Variants in SGK1 observed in about 807,000 individuals in gnomAD.
SGK1 encodes serine/threonine-protein kinase Sgk1.
SGK1 carries 26 observed loss-of-function variants against 64.2 expected under a neutral mutation model. That is an observed-to-expected ratio of 0.40 (90% CI 0.30 to 0.56). The LOEUF (loss-of-function observed/expected upper bound fraction) is 0.56, where lower values mean the gene tolerates loss of function less well. SGK1 is among the 20% of genes least tolerant of loss of function. The probability of loss-of-function intolerance (pLI) is 0.38; values close to 1 mark genes in which losing one functional copy is unlikely to be tolerated. For synonymous variants in SGK1, 265 were observed against 239.7 expected (o/e 1.11, Z -0.98); for missense variants, 519 against 645.6 (o/e 0.80, Z 2.12).
intron 1 of SGK1, among the ~76,000 whole-genome samples, chr6:134,293,555 ACTTCTAT>A (rs1777297824): frequency 6.6e-6 from 1 of 152,194 alleles, no homozygotes; most frequent in Admixed American, 6.5e-5. Flanking sequence ...TTTAATAAGA[ACTTCTAT>A]CTTCTACTTA....
intron 2 of SGK1, among the ~76,000 whole-genome samples, chr6:134,250,396 A>G (rs553363955): frequency 6.6e-6 from 1 of 152,322 alleles, no homozygotes; most frequent in African/African-American, 2.4e-5. Context: ...TTTTCAAGAG[A>G]TGATGTCACA....
At position 134,262,564 on chromosome 6, in the gene SGK1, T is replaced by C. The variant is rs1162347677; in HGVS notation, c.70-416A>G. On this transcript the variant is annotated intron_variant, in intron 1 of 13. Coordinates refer to ENST00000367858, the MANE Select transcript of SGK1 (RefSeq NM_001143676.3). ...CCATCTCTACTAAAAATACCAAAAT[T>C]AGCCAGGCCTGGTGGTACACGCCTA... Among the ~76,000 whole-genome samples, 3 of 151,784 alleles carry C rather than the reference T, an allele frequency of 2.0e-5. No homozygotes were observed. The South Asian group carries it at 6.3e-4, about 32-fold the overall frequency.
intron 1 of SGK1, among the ~76,000 whole-genome samples, chr6:134,292,594 A>C (rs7754181): frequency 0.13 from 20,273 of 152,172 alleles, 1,720 homozygotes; most frequent in African/African-American, 0.24. Flanking sequence ...CTGTCTCAAA[A>C]AAAAAGAAAA....
chr6:134,177,663 C>CT, intron 3 of SGK1: 1 of 1,613,644 alleles, frequency 6.2e-7, no homozygotes, highest in Non-Finnish European at 8.5e-7. Context: ...AAGTACGAAC[C>CT]TTTCAAAGGG....
intron 1 of SGK1, chr6:134,297,301 G>T: frequency 8.0e-7 from 1 of 1,257,546 alleles, no homozygotes; most frequent in Non-Finnish European, 1.2e-6. Flanking sequence ...ATCAGCTCCT[G>T]GTACACACGC....
intron 1 of SGK1, among the ~76,000 whole-genome samples, chr6:134,275,259 C>G (rs1454793690): frequency 6.6e-6 from 1 of 152,178 alleles, no homozygotes; most frequent in Non-Finnish European, 1.5e-5. Flanking sequence ...GTTGCCCACA[C>G]TGGTCTTAAA....
At chr6:134,273,395 C>A (rs1271054550) in intron 1 of SGK1, among the ~76,000 whole-genome samples, 1 of 146,340 alleles carries the variant, frequency 6.8e-6, no homozygotes, top group African/African-American at 2.5e-5. Context: ...TCGAAACCAT[C>A]CCGGCTAAAA....
At chr6:134,216,377 G>A (rs775620742) in intron 2 of SGK1, among the ~76,000 whole-genome samples, 1 of 152,150 alleles carries the variant, frequency 6.6e-6, no homozygotes, top group Non-Finnish European at 1.5e-5. Flanking sequence ...TTTATCTCTA[G>A]GGAAGTGAAA....
In SGK1 at chr6:134,169,595, A is replaced by G. The variant is rs1271301396; in HGVS notation, c.*673T>C. ...ATAAAAACCCTTTCTAAAAATAGAAATATTTGTAGCAGCAATGCTTTCTTT... is the reference window on the plus strand; with the variant it reads ...ATAAAAACCCTTTCTAAAAATAGAAGTATTTGTAGCAGCAATGCTTTCTTT... On this transcript the variant is annotated 3_prime_UTR_variant, in exon 14 of 14. Transcript: ENST00000367858. The G allele has an allele frequency of 5.2e-5, 8 of 152,688 alleles. No individual in the cohort carries two copies. Among genetic ancestry groups the G allele is most frequent in the Non-Finnish European group, 2.9e-5 (2 of 68,048 alleles). 9.5% of individuals were successfully genotyped at this position (152,688 alleles called of 1,614,324 possible).
chr6:134,170,599 G>T, intron 13 of SGK1, 164 bp from the exon 14 acceptor site: 1 of 709,888 alleles, frequency 1.4e-6, no homozygotes, highest in Non-Finnish European at 2.3e-6. Flanking sequence ...TTAAACATAA[G>T]AATAATGTTC....
At chr6:134,203,850 G>A (rs1775724458) in intron 3 of SGK1, among the ~76,000 whole-genome samples, 2 of 152,106 alleles carry the variant, frequency 1.3e-5, no homozygotes, top group South Asian at 4.1e-4. Context: ...GATCACCTGA[G>A]GTCAGGAGTT....
intron 2 of SGK1, among the ~76,000 whole-genome samples, chr6:134,228,544 G>A (rs1776223625): frequency 6.6e-6 from 1 of 152,194 alleles, no homozygotes; most frequent in African/African-American, 2.4e-5. Context: ...TGTAGAAGAA[G>A]GGACTGTGTC....
chr6:134,175,619 A>T (rs1775208822), intron 3 of SGK1: 1 of 1,539,430 alleles, frequency 6.5e-7, no homozygotes. Flanking sequence ...CGCAGCAGGG[A>T]CTCGAGCCGG....
In SGK1 at chr6:134,286,067, A is replaced by G. The variant is rs369495027; in HGVS notation, c.70-23919T>C. 4.6e-5 allele frequency among the ~76,000 whole-genome samples: 7 copies of G among 152,362 alleles called. No homozygotes were observed. The South Asian group carries it at 1.5e-3, about 32-fold the overall frequency. Reference sequence around the variant, plus strand: ...TTGCAGGCTGTAGACTGATGACTACAGTCTGGAAGTAGTTTGTAGAGAGGT... The same window carrying G: ...TTGCAGGCTGTAGACTGATGACTACGGTCTGGAAGTAGTTTGTAGAGAGGT... On this transcript the variant is annotated intron_variant, in intron 1 of 13. Coordinates refer to ENST00000367858, the MANE Select transcript of SGK1 (RefSeq NM_001143676.3).
intron 2 of SGK1, among the ~76,000 whole-genome samples, chr6:134,210,842 AG>A (rs1775877534): frequency 6.7e-6 from 1 of 148,994 alleles, no homozygotes; most frequent in African/African-American, 2.5e-5. Context: ...AAATTTTAAA[AG>A]GGCCAGGCAT....
chr6:134,205,108 T>C (rs1038499786), intron 3 of SGK1, among the ~76,000 whole-genome samples: 1 of 152,182 alleles, frequency 6.6e-6, no homozygotes, highest in Non-Finnish European at 1.5e-5. Flanking sequence ...AGCACCATTT[T>C]CTAGACCTGT....
At chr6:134,261,849 T>G (rs965785043) in intron 2 of SGK1, 84 bp downstream of exon 2, 3 of 952,316 alleles carry the variant, frequency 3.2e-6, no homozygotes, top group East Asian at 2.4e-5. Context: ...AATTATTTTT[T>G]GGGTATACTC....
intron 3 of SGK1, among the ~76,000 whole-genome samples, chr6:134,189,851 T>TTTTG (rs1291238928): frequency 6.6e-6 from 1 of 152,200 alleles, no homozygotes; most frequent in Non-Finnish European, 1.5e-5. Flanking sequence ...TTTGGTTGTT[T>TTTTG]TTTGTTTGTT....
At chr6:134,237,115 C>T (rs553264208) in intron 2 of SGK1, among the ~76,000 whole-genome samples, 7 of 145,836 alleles carry the variant, frequency 4.8e-5, no homozygotes, top group South Asian at 2.2e-4. Context: ...AATGCAGTGG[C>T]GCGATCTCAG....
Sources: allele counts gnomAD v4.1 joint callset (sites outside exome capture counted in the v4.1 genomes callset), GRCh38; gene constraint gnomAD v4.1.1; transcripts MANE v1.5; gene names NCBI Gene and HGNC (gene_info 2026-07-23, HGNC 2026-07-21).